POTEF: variants seen among roughly 807,000 people sequenced by gnomAD.
POTEF encodes the protein POTE ankyrin domain family member F, also known as ANKRD26-like family C member 1B.
POTEF carries 20 observed loss-of-function variants against 83.2 expected under a neutral mutation model. That is an observed-to-expected ratio of 0.24 (90% confidence interval 0.17 to 0.35). The LOEUF is 0.35. Among genes scored for constraint, POTEF ranks in the 10% least tolerant of loss-of-function variants. The pLI is 1.00. For synonymous variants in POTEF, 196 were observed against 446.4 expected (o/e 0.44, Z 7.07); for missense variants, 550 against 1,203.2 (o/e 0.46, Z 8.03).
rs543749340 is a variant in POTEF at position 130,116,979 on chromosome 2, C to A, written c.522-1651G>T. 3.0e-3 allele frequency among the ~76,000 whole-genome samples: 424 copies of A among 140,570 alleles called. 8 individuals are homozygous for A. The highest frequency in any genetic ancestry group is 0.011 in the African/African-American group (378 of 35,032). The allele number at this position is 140,570 out of a possible 152,430, so 92.2% of individuals were successfully genotyped here. ...GGATCCTGAGAGATAGTAGAATATGCCTGCCACATAATAGGTGTCTGGCTT... is the reference window on the plus strand; with the variant it reads ...GGATCCTGAGAGATAGTAGAATATGACTGCCACATAATAGGTGTCTGGCTT... On this transcript the variant is annotated intron_variant, in intron 3 of 16. Transcript: ENST00000409914.
rs955450926 is a variant in POTEF, at chr2:130,127,810, T to C, written c.-195A>G. 15 of 148,930 alleles carry C rather than the reference T, an allele frequency of 1.0e-4. No homozygotes were observed. Among genetic ancestry groups the C allele is most frequent in the Non-Finnish European group, 1.9e-4 (13 of 67,432 alleles). The allele number at this position is 148,930 out of a possible 1,614,324, so 9.2% of individuals were successfully genotyped here. A position where few individuals can be genotyped will look rare whatever the true frequency, so the allele number is the denominator to read the frequency against. ...CTCCAGCGTACCACAGGTGATTCCT[T>C]CTCCTCCTCCTCCAGCCTGGCTTGG... is the stretch of plus-strand genomic sequence containing the variant. On this transcript the variant is annotated 5_prime_UTR_variant, in exon 2 of 17. Coordinates refer to ENST00000409914, the MANE Select transcript of POTEF (RefSeq NM_001099771.2).
At chr2:130,093,244 ATAAT>A (rs1167289397) in intron 12 of POTEF, among the ~76,000 whole-genome samples, 190 bp downstream of exon 12, 1 of 116,476 alleles carries the variant, frequency 8.6e-6, no homozygotes, top group Admixed American at 9.4e-5. Flanking sequence ...GGTAAGTTGT[ATAAT>A]TATTTTATTA....
In POTEF at chr2:130,075,141, G is replaced by C. The variant is rs766883230; in HGVS notation, c.2331C>G (p.Thr777=). The C allele has an allele frequency of 1.2e-6, 2 of 1,613,438 alleles. 1 individual carries two copies. Among genetic ancestry groups the C allele is most frequent in the African/African-American group, 2.7e-5 (2 of 74,672 alleles). The change falls in exon 17 of 17, where the codon ACC becomes ACG. Residue 777 remains threonine (T), a synonymous_variant. Coordinates refer to ENST00000409914, the MANE Select transcript of POTEF (RefSeq NM_001099771.2). ...AGATCTTCTCCATGTCATCCCAGTT[G>C]GTGATGATGCCGTGTTCCATGGGGT... The part of the protein sequence containing the change: ...LKYPMEHGII[T]NWDDMEKIWH...
chr2:130,128,674 C>CGCAG, intron 1 of POTEF, among the ~76,000 whole-genome samples: 1 of 152,068 alleles, frequency 6.6e-6, no homozygotes, highest in African/African-American at 2.4e-5. Flanking sequence ...CCACAGGTAG[C>CGCAG]GCAGCTCCTG....
At chr2:130,127,479 C>G (rs903644372) in intron 2 of POTEF, among the ~76,000 whole-genome samples, 8 of 150,734 alleles carry the variant, frequency 5.3e-5, no homozygotes, top group African/African-American at 2.0e-4. Context: ...ACTCCTTTCC[C>G]TAAGTGCACC....
At chr2:130,127,362 C>CAT (rs1182847652) in intron 2 of POTEF, among the ~76,000 whole-genome samples, 7 of 137,950 alleles carry the variant, frequency 5.1e-5, no homozygotes, top group African/African-American at 2.0e-4. Context: ...GCCACACACA[C>CAT]ACACACACAG....
chr2:130,109,304 C>A (rs1684637885), intron 7 of POTEF: 1 of 142,214 alleles, frequency 7.0e-6, no homozygotes, highest in Non-Finnish European at 1.5e-5. Context: ...GCCGCCGAAG[C>A]AAGCACAAAG....
At chr2:130,119,091 G>A (rs1243379970) in intron 3 of POTEF, among the ~76,000 whole-genome samples, 2 of 151,196 alleles carry the variant, frequency 1.3e-5, no homozygotes, top group Non-Finnish European at 2.9e-5. Flanking sequence ...GACAGCATGT[G>A]TAATTTAAAA....
rs1165916421 is a variant in POTEF at position 130,126,325 on chromosome 2, G to A, written c.-94+1384C>T. On this transcript the variant is annotated intron_variant, in intron 2 of 16. Coordinates refer to ENST00000409914, the MANE Select transcript of POTEF (RefSeq NM_001099771.2). ...TCTCAAAAAAAAAAAAAAAAAAAAA[G>A]AAAGAAAACAAAGGAAATGGTGGCA... Among the ~76,000 whole-genome samples, 786 of 130,818 alleles carry A rather than the reference G, an allele frequency of 6.0e-3. 1 individual carries two copies. The highest frequency in any genetic ancestry group is 0.028 in the Middle Eastern group (7 of 246). The allele number at this position is 130,818 out of a possible 152,430, so 85.8% of individuals were successfully genotyped here. A position where few individuals can be genotyped will look rare whatever the true frequency, so the allele number is the denominator to read the frequency against.
intron 9 of POTEF, among the ~76,000 whole-genome samples, chr2:130,101,555 C>T (rs890561509): frequency 6.7e-6 from 1 of 150,066 alleles, no homozygotes; most frequent in African/African-American, 2.5e-5. Context: ...GACCATAAGG[C>T]AGAATATATT....
intron 8 of POTEF, among the ~76,000 whole-genome samples, chr2:130,104,060 A>C (rs1215593271): frequency 6.7e-6 from 1 of 148,802 alleles, no homozygotes; most frequent in Non-Finnish European, 1.5e-5. Context: ...TGCCAAAACC[A>C]ATATTCCTAC....
At position 130,120,412 on chromosome 2, in the gene POTEF, C is replaced by T. The variant is rs11889741; in HGVS notation, c.104G>A (p.Cys35Tyr). The T allele has an allele frequency of 3.5e-5, 57 of 1,610,960 alleles. 1 individual carries two copies. Among genetic ancestry groups the T allele is most frequent in the African/African-American group, 1.1e-4 (8 of 73,898 alleles). The change falls in exon 3 of 17, where the codon TGC becomes TAC. Residue 35 changes from cysteine to tyrosine, a missense_variant. Coordinates refer to ENST00000409914, the MANE Select transcript of POTEF (RefSeq NM_001099771.2). ...GKWCCRCFPC[C>Y]RESGKSNVGT... Reference sequence around the variant, plus strand: ...CACGTTGCTCTTGCCGCTCTCCCTGCAGCAGGGGAAGCAACGGCAGCACCA... The same window carrying T: ...CACGTTGCTCTTGCCGCTCTCCCTGTAGCAGGGGAAGCAACGGCAGCACCA...
chr2:130,116,513 C>T (rs559848644), intron 3 of POTEF, among the ~76,000 whole-genome samples: 53 of 145,718 alleles, frequency 3.6e-4, no homozygotes, highest in African/African-American at 1.3e-3. Flanking sequence ...CACCCTTCAC[C>T]CTGTAATAGG....
chr2:130,101,002 G>T (rs529014532), intron 9 of POTEF, among the ~76,000 whole-genome samples: 10 of 147,826 alleles, frequency 6.8e-5, no homozygotes, highest in African/African-American at 2.6e-4. Context: ...ACGTGAACCA[G>T]CAAACTTAAT....
intron 7 of POTEF, chr2:130,109,204 C>T: frequency 6.6e-6 from 1 of 150,526 alleles, no homozygotes; most frequent in African/African-American, 2.5e-5. Context: ...AGTGACTGCA[C>T]AAAATATGGA....
chr2:130,127,404 A>G (rs1398557023), intron 2 of POTEF, among the ~76,000 whole-genome samples: 5 of 147,994 alleles, frequency 3.4e-5, no homozygotes, highest in African/African-American at 5.1e-5. Context: ...GAATGAGACA[A>G]TGCTGCCACT....
Position 130,100,753 on chromosome 2 carries a change from T to G in POTEF, c.1198-33A>C, listed in dbSNP as rs1170609003. On this transcript the variant is annotated intron_variant, in intron 9 of 16. Coordinates refer to ENST00000409914, the MANE Select transcript of POTEF (RefSeq NM_001099771.2). ...GGCAAAAACAGAAGGTTAATTTGCT[T>G]GTTGTGTTTCTGTGATGTGTCCTCT... is the stretch of plus-strand genomic sequence containing the variant. The G allele has an allele frequency of 1.9e-6, 3 of 1,606,716 alleles. No individual in the cohort carries two copies. In the African/African-American group the frequency reaches 4.1e-5, roughly 22 times the overall value.
chr2:130,074,293 T>TG lies in POTEF; in HGVS notation c.3178dup (p.Gln1060ProfsTer4). On this transcript the variant is annotated frameshift_variant, in exon 17 of 17. Transcript: ENST00000409914. LOFTEE classifies it high-confidence loss of function. The stretch of plus-strand genomic sequence containing the variant: ...GGAGGGGCCTGACTCATCATACTCC[T>TG]GCTTGCTGATCCACATCTGCTGGAA... 6.2e-7 allele frequency: 1 copy of TG among 1,608,124 alleles called. No homozygotes were observed. The highest frequency in any genetic ancestry group is 1.1e-5 in the South Asian group (1 of 90,896).
intron 15 of POTEF, among the ~76,000 whole-genome samples, chr2:130,083,474 G>C (rs1315760919): frequency 1.4e-5 from 2 of 141,900 alleles, no homozygotes; most frequent in Admixed American, 6.9e-5. Context: ...AAGCCTGAGG[G>C]AGTGAGGTCC....
Sources: gnomAD v4.1 joint callset for allele counts (sites outside exome capture counted in the v4.1 genomes callset) on GRCh38, gnomAD v4.1.1 for gene constraint, MANE v1.5 for transcripts, NCBI Gene and HGNC (gene_info 2026-07-23, HGNC 2026-07-21) for gene names.